The following DLGAP2 variants were observed in gnomAD, a reference collection of about 807,000 sequenced individuals.
DLGAP2 encodes DLG associated protein 2, also known as disks large-associated protein 2.
DLGAP2 carries 26 observed loss-of-function variants against 100.3 expected under a neutral mutation model. The observed-to-expected ratio is 0.26, with a 90% CI of 0.19 to 0.36. The LOEUF is 0.36. Ranked by LOEUF, DLGAP2 falls within the 10% of genes least tolerant of loss-of-function variation. The pLI, the probability that DLGAP2 is intolerant of heterozygous loss-of-function variation, is 1.00. For synonymous variants in DLGAP2, 886 were observed against 630.1 expected, an observed-to-expected ratio of 1.41 and a Z score of -6.08; for missense variants, 1,858 against 1,453.2, an observed-to-expected ratio of 1.28 and a Z score of -4.53.
chr8:949,162 T>C (rs2129007260), intron 2 of DLGAP2, among the ~76,000 whole-genome samples: 1 of 152,144 alleles, frequency 6.6e-6, no homozygotes, highest in South Asian at 2.1e-4. Flanking sequence ...GATTTGTGGG[T>C]GGAAAGGACG....
intron 2 of DLGAP2, among the ~76,000 whole-genome samples, chr8:1,241,910 C>T (rs1415357037): frequency 6.6e-6 from 1 of 152,090 alleles, no homozygotes; most frequent in East Asian, 1.9e-4. Context: ...AATAAATGTT[C>T]TTGAAGTTTT....
intron 2 of DLGAP2, among the ~76,000 whole-genome samples, chr8:1,234,408 C>T (rs1362669245): frequency 2.0e-5 from 3 of 152,216 alleles, no homozygotes; most frequent in Admixed American, 2.0e-4. Context: ...CCCCGATCCT[C>T]ACATGACACT....
At chr8:1,604,726 T>C (rs1363837394) in intron 6 of DLGAP2, 1 of 152,198 alleles carries the variant, frequency 6.6e-6, no homozygotes, top group Non-Finnish European at 1.5e-5. Context: ...GAATGTCTTC[T>C]TGTTGCTCCG....
intron 3 of DLGAP2, among the ~76,000 whole-genome samples, chr8:1,292,501 C>T (rs1226720560): frequency 6.6e-6 from 1 of 152,184 alleles, no homozygotes; most frequent in Non-Finnish European, 1.5e-5. Flanking sequence ...CATCTCTTTC[C>T]TTTCTCTAAA....
chr8:1,452,419 G>T (rs1798189064), intron 3 of DLGAP2, among the ~76,000 whole-genome samples: 2 of 152,374 alleles, frequency 1.3e-5, no homozygotes, highest in South Asian at 4.1e-4. Context: ...GCCCCAGCTG[G>T]GGAAGGAGAA....
At chr8:967,160 G>A (rs1051875263) in intron 2 of DLGAP2, among the ~76,000 whole-genome samples, 8 of 152,210 alleles carry the variant, frequency 5.3e-5, no homozygotes, top group Non-Finnish European at 7.3e-5. Context: ...GCTGACATTC[G>A]TGCTTTCACT....
chr8:1,485,551 T>C (rs960063153), intron 3 of DLGAP2, among the ~76,000 whole-genome samples: 1 of 152,244 alleles, frequency 6.6e-6, no homozygotes, highest in Non-Finnish European at 1.5e-5. Flanking sequence ...GTGTCCCACG[T>C]TGCGTCCATG....
chr8:1,287,498 TTC>T (rs1409952772), intron 3 of DLGAP2, among the ~76,000 whole-genome samples: 7,834 of 49,616 alleles, frequency 0.16, 1,613 homozygotes, highest in African/African-American at 0.37. Context: ...GTGTGTGTGG[TTC>T]TGTTAGGAGG....
chr8:1,290,036 C>T (rs879320980), intron 3 of DLGAP2, among the ~76,000 whole-genome samples: 1 of 152,184 alleles, frequency 6.6e-6, no homozygotes, highest in Non-Finnish European at 1.5e-5. Context: ...AAACTAACCA[C>T]TGTTCAGGGT....
intron 3 of DLGAP2, among the ~76,000 whole-genome samples, chr8:1,439,328 G>C (rs986774951): frequency 6.6e-6 from 1 of 152,176 alleles, no homozygotes; most frequent in East Asian, 1.9e-4. Flanking sequence ...GAAGCTTCGC[G>C]CTGTCTGTGG....
In DLGAP2 at chr8:1,149,870, C is replaced by G. The variant is rs929512961; in HGVS notation, c.74-108981C>G. ...ACAGTCATCTCTAGGTTATTAGAAA[C>G]TCAGACCGATGGGTGTTATTATCAC... On this transcript the variant is annotated intron_variant, in intron 2 of 14. Coordinates refer to ENST00000637795, the MANE Select transcript of DLGAP2 (RefSeq NM_001346810.2). Among the ~76,000 whole-genome samples, 3 of 152,318 alleles carry G rather than the reference C, an allele frequency of 2.0e-5. No homozygotes were observed. In the South Asian group the frequency reaches 6.2e-4, roughly 32 times the overall value.
At position 1,160,281 on chromosome 8, in the gene DLGAP2, G is replaced by A. The variant is rs1036414121; in HGVS notation, c.74-98570G>A. Among the ~76,000 whole-genome samples the A allele has an allele frequency of 9.2e-5, 14 of 152,288 alleles. No homozygotes were observed. The East Asian group carries it at 1.5e-3, about 17-fold the overall frequency. ...GGAACCACGGCTTTGACATGCCCTC[G>A]GCAGTCAGTGATTGACAGGTCCCGT... On this transcript the variant is annotated intron_variant, in intron 2 of 14. Coordinates refer to ENST00000637795, the MANE Select transcript of DLGAP2 (RefSeq NM_001346810.2).
intron 6 of DLGAP2, among the ~76,000 whole-genome samples, chr8:1,610,429 G>T (rs1378013446): frequency 6.7e-6 from 1 of 150,162 alleles, no homozygotes; most frequent in African/African-American, 2.5e-5. Context: ...GCCCACAAGA[G>T]AAAGCAGGAA....
At chr8:748,566 G>A (rs1007212713) in intron 1 of DLGAP2, among the ~76,000 whole-genome samples, 1 of 152,164 alleles carries the variant, frequency 6.6e-6, no homozygotes, top group Non-Finnish European at 1.5e-5. Context: ...TAGAGGAGCC[G>A]AGAGATAGAA....
intron 1 of DLGAP2, among the ~76,000 whole-genome samples, chr8:860,869 A>G (rs1358596783): frequency 3.3e-5 from 5 of 152,186 alleles, no homozygotes; most frequent in African/African-American, 1.2e-4. Flanking sequence ...CATGACGCCT[A>G]TGAAGAAATG....
chr8:1,194,081 C>T lies in DLGAP2; in HGVS notation c.74-64770C>T, dbSNP rs113005234. 7.0e-3 allele frequency among the ~76,000 whole-genome samples: 1,067 copies of T among 152,148 alleles called. 9 individuals are homozygous for T. Among genetic ancestry groups the T allele is most frequent in the South Asian group, 0.014 (69 of 4,812 alleles). On this transcript the variant is annotated intron_variant, in intron 2 of 14. Transcript: ENST00000637795. ...AACGTGACAGGTGTGAACTGGGATG[C>T]CGCAGTATACCAAGTCCAGTTTTGA...
chr8:1,224,176 A>G (rs1284088028), intron 2 of DLGAP2, among the ~76,000 whole-genome samples: 1 of 152,216 alleles, frequency 6.6e-6, no homozygotes, highest in South Asian at 2.1e-4. Context: ...TTGCAAGAAA[A>G]TGACAGATAA....
rs541778110 is a variant in DLGAP2 at position 1,347,177 on chromosome 8, A to G, written c.106+88294A>G. ...AGGTTGCGTTCCTGTACAGAGCTGCATTGCTCTCATGGCGGCTGTGTGGAG... is the reference window on the plus strand; with the variant it reads ...AGGTTGCGTTCCTGTACAGAGCTGCGTTGCTCTCATGGCGGCTGTGTGGAG... On this transcript the variant is annotated intron_variant, in intron 3 of 14. Coordinates refer to ENST00000637795, the MANE Select transcript of DLGAP2 (RefSeq NM_001346810.2). 1.0e-3 allele frequency among the ~76,000 whole-genome samples: 159 copies of G among 151,760 alleles called. 2 individuals are homozygous for G. Among genetic ancestry groups the G allele is most frequent in the Admixed American group, 2.2e-3 (34 of 15,264 alleles).
chr8:756,841 C>G (rs994068256), intron 1 of DLGAP2, among the ~76,000 whole-genome samples: 1 of 152,198 alleles, frequency 6.6e-6, no homozygotes, highest in Non-Finnish European at 1.5e-5. Flanking sequence ...CTACACACAG[C>G]TGCCGGGATA....
Sources: allele counts gnomAD v4.1 joint callset (sites outside exome capture counted in the v4.1 genomes callset), GRCh38; gene constraint gnomAD v4.1.1; transcripts MANE v1.5; gene names NCBI Gene and HGNC (gene_info 2026-07-23, HGNC 2026-07-21).